Variants in LRRC74B observed in about 807,000 individuals in gnomAD.
The protein encoded by LRRC74B is leucine rich repeat containing 74B.
Under a neutral mutation model 16.6 loss-of-function variants are expected in LRRC74B, and 30 were observed. The observed-to-expected ratio is 1.80, with a 90% CI of 1.35 to 2.45. The LOEUF (loss-of-function observed/expected upper bound fraction) is 2.45, where lower values mean the gene tolerates loss of function less well. LRRC74B is among the 30% of genes most tolerant of loss of function. The pLI, the probability that LRRC74B is intolerant of heterozygous loss-of-function variation, is 0.00. For synonymous variants in LRRC74B, 134 were observed against 86.0 expected (o/e 1.56, Z -3.09); for missense variants, 326 against 202.4 (o/e 1.61, Z -3.71).
chr22:21,057,718 A>G (rs1006079272), intron 8 of LRRC74B, among the ~76,000 whole-genome samples: 1 of 139,616 alleles, frequency 7.2e-6, no homozygotes, highest in Admixed American at 7.4e-5. Flanking sequence ...CCTTGGCTCA[A>G]GTGGTTCTCC....
rs1259632189 is a variant in LRRC74B at position 21,047,465 on chromosome 22, G to A, written c.249G>A (p.Glu83=). ...TTCTGCGCCAAGGGAGCGCCCAAGA[G>A]CTGAACCTCCGGCACCGTGGCCTGG... The change falls in exon 2 of 9, where the codon GAG becomes GAA. Residue 83 remains glutamate (E), a synonymous_variant. Transcript: ENST00000442047. 5 of 717,510 alleles carry A rather than the reference G, an allele frequency of 7.0e-6. No individual in the cohort carries two copies. In the Admixed American group the frequency reaches 8.0e-5, roughly 11 times the overall value. The allele number at this position is 717,510 out of a possible 1,614,324, so 44.4% of individuals were successfully genotyped here.
At chr22:21,055,447 C>T (rs1486174652) in intron 7 of LRRC74B, among the ~76,000 whole-genome samples, 5 of 152,140 alleles carry the variant, frequency 3.3e-5, no homozygotes, top group Admixed American at 3.3e-4. Context: ...CCTTGTGTCT[C>T]CCTCATCTTC....
chr22:21,060,697 C>T (rs1275202215), downstream of LRRC74B: 7 of 550,026 alleles, frequency 1.3e-5, no homozygotes, highest in Admixed American at 6.6e-5. Flanking sequence ...CTGTGCCCCA[C>T]GGACCCTGCA....
intron 6 of LRRC74B, chr22:21,053,684 T>C (rs1930252976): frequency 4.7e-6 from 2 of 425,374 alleles, no homozygotes; most frequent in East Asian, 8.1e-5. Flanking sequence ...AGTGCAGTGC[T>C]GTGATCATGG....
intron 1 of LRRC74B, among the ~76,000 whole-genome samples, chr22:21,046,555 C>T (rs1329955041): frequency 2.0e-5 from 3 of 152,120 alleles, no homozygotes; most frequent in Non-Finnish European, 4.4e-5. Context: ...GGATGCTCAG[C>T]GCAGGCCAGC....
At chr22:21,060,562 T>C, downstream of LRRC74B, 1 of 688,598 alleles carries the variant, frequency 1.5e-6, no homozygotes, top group Non-Finnish European at 2.7e-6. Flanking sequence ...TCCAATCAGC[T>C]GCTTTGACCT....
At chr22:21,050,558 C>T (rs921555133) in intron 4 of LRRC74B, among the ~76,000 whole-genome samples, 2 of 151,716 alleles carry the variant, frequency 1.3e-5, no homozygotes, top group Non-Finnish European at 2.9e-5. Flanking sequence ...GCAGGTGGAT[C>T]ATGAGGTCAG....
At chr22:21,047,215 T>C (rs183261229) in intron 1 of LRRC74B, 141 bp from the exon 2 acceptor site, 3 of 598,562 alleles carry the variant, frequency 5.0e-6, no homozygotes, top group South Asian at 4.2e-5. Context: ...TCATCTGTCA[T>C]ATGGGAGCAG....
At chr22:21,061,353 A>T (rs892670795), downstream of LRRC74B, among the ~76,000 whole-genome samples, 3 of 152,216 alleles carry the variant, frequency 2.0e-5, no homozygotes, top group African/African-American at 7.2e-5. Flanking sequence ...AATGCTGTTT[A>T]TCATAATGAA....
chr22:21,053,761 C>T, intron 6 of LRRC74B: 1 of 249,802 alleles, frequency 4.0e-6, no homozygotes, highest in South Asian at 1.1e-4. Context: ...GTAGCTGGGA[C>T]TACAGGAGTA....
chr22:21,058,120 C>T (rs1930645271), intron 8 of LRRC74B, among the ~76,000 whole-genome samples: 1 of 149,918 alleles, frequency 6.7e-6, no homozygotes, highest in African/African-American at 2.5e-5. Context: ...AGGCTGGTCT[C>T]GAACTCCTGA....
chr22:21,052,470 C>T, intron 5 of LRRC74B, 112 bp downstream of exon 5: 1 of 670,516 alleles, frequency 1.5e-6, no homozygotes, highest in East Asian at 2.7e-5. Context: ...ATCTTTTAAG[C>T]ACAGCTTAAA....
intron 6 of LRRC74B, 92 bp downstream of exon 6, chr22:21,053,567 A>T (rs1930243077): frequency 1.5e-6 from 1 of 649,986 alleles, no homozygotes; most frequent in Non-Finnish European, 2.8e-6. Flanking sequence ...GATTCCCGTG[A>T]TGGGGCTTGA....
intron 4 of LRRC74B, among the ~76,000 whole-genome samples, chr22:21,049,716 T>A (rs1301497213): frequency 1.3e-5 from 2 of 151,596 alleles, no homozygotes; most frequent in Non-Finnish European, 2.9e-5. Context: ...GTGGCCAGGC[T>A]GTGGGGTGGA....
chr22:21,061,196 G>A (rs186311805), downstream of LRRC74B, among the ~76,000 whole-genome samples: 124 of 152,064 alleles, frequency 8.2e-4, no homozygotes, highest in East Asian at 3.7e-3. Context: ...GCATGATGGC[G>A]CACACCTGTA....
At chr22:21,053,315 C>A in intron 5 of LRRC74B, 45 bp from the exon 6 acceptor site, 1 of 706,724 alleles carries the variant, frequency 1.4e-6, no homozygotes, top group Non-Finnish European at 2.6e-6. Context: ...CTGGCTTGCT[C>A]CACTGTCAGA....
chr22:21,053,683 C>T (rs1930252740), intron 6 of LRRC74B: 2 of 430,252 alleles, frequency 4.6e-6, no homozygotes, highest in African/African-American at 4.0e-5. Context: ...GAGTGCAGTG[C>T]TGTGATCATG....
At chr22:21,058,878 A>G (rs1390388466) in intron 8 of LRRC74B, among the ~76,000 whole-genome samples, 1 of 152,238 alleles carries the variant, frequency 6.6e-6, no homozygotes, top group Non-Finnish European at 1.5e-5. Flanking sequence ...GAATCAGTTC[A>G]GGGTTGGGAC....
chr22:21,056,283 C>T (rs1057005024), intron 7 of LRRC74B, among the ~76,000 whole-genome samples: 3 of 152,062 alleles, frequency 2.0e-5, no homozygotes, highest in African/African-American at 7.2e-5. Flanking sequence ...AGGCAGATCG[C>T]TTGAGGTCAG....
Sources: allele counts gnomAD v4.1 joint callset (sites outside exome capture counted in the v4.1 genomes callset), GRCh38; gene constraint gnomAD v4.1.1; transcripts MANE v1.5; gene names NCBI Gene and HGNC (gene_info 2026-07-23, HGNC 2026-07-21).